ADSL: variants seen among roughly 807,000 people sequenced by gnomAD.
ADSL encodes the protein adenylosuccinate lyase.
ADSL carries 44 observed loss-of-function variants against 62.1 expected under a neutral mutation model. The observed-to-expected ratio is 0.71, with a 90% CI of 0.56 to 0.91. ADSL has a LOEUF of 0.91. Ranked by LOEUF, ADSL falls within the 40% of genes least tolerant of loss-of-function variation. ADSL has a pLI of 0.00. For missense variants in ADSL, 531 were observed against 627.4 expected (o/e 0.85, Z 1.64); for synonymous variants, 198 against 220.5 (o/e 0.90, Z 0.90).
At chr22:40,373,928 A>ATTTATT (rs1208107209), downstream of ADSL, among the ~76,000 whole-genome samples, 3 of 147,994 alleles carry the variant, frequency 2.0e-5, no homozygotes, top group East Asian at 6.1e-4. Flanking sequence ...AGGGTGGTTT[A>ATTTATT]TTTATTTTTA....
At chr22:40,381,245 T>C (rs897018778) in intron 2 of ADSL, among the ~76,000 whole-genome samples, 2 of 151,978 alleles carry the variant, frequency 1.3e-5, no homozygotes, top group Non-Finnish European at 2.9e-5. Context: ...CCTCCAGGGC[T>C]CAGGCAGTCC....
At chr22:40,372,187 C>T (rs542288539), downstream of ADSL, among the ~76,000 whole-genome samples, 209 of 121,920 alleles carry the variant, frequency 1.7e-3, 2 homozygotes, top group Non-Finnish European at 2.0e-3. Context: ...AGTGCAGTGG[C>T]GCGATCTCGG....
chr22:40,352,845 G>A (rs1336987200), intron 2 of ADSL, among the ~76,000 whole-genome samples: 1 of 152,112 alleles, frequency 6.6e-6, no homozygotes, highest in Admixed American at 6.6e-5. Flanking sequence ...TAAGTATAAA[G>A]GTTTTGTTCC....
chr22:40,363,736 CAAA>C (rs1231381642), intron 10 of ADSL, among the ~76,000 whole-genome samples: 1 of 79,640 alleles, frequency 1.3e-5, no homozygotes, highest in African/African-American at 4.9e-5. Flanking sequence ...AACTCCATCT[CAAA>C]AAAAAAAAAA....
intron 4 of ADSL, among the ~76,000 whole-genome samples, chr22:40,355,261 GC>G (rs2044510059): frequency 6.6e-6 from 1 of 152,116 alleles, no homozygotes; most frequent in Non-Finnish European, 1.5e-5. Flanking sequence ...TCCCGCCTCA[GC>G]CTTCCTAGTA....
chr22:40,370,330 G>A (rs890499906), downstream of ADSL, among the ~76,000 whole-genome samples: 1 of 149,860 alleles, frequency 6.7e-6, no homozygotes, highest in African/African-American at 2.5e-5. Context: ...ACTTCAGCCT[G>A]GGTGACAGAG....
At chr22:40,380,100 A>G (rs1299518392) in intron 2 of ADSL, among the ~76,000 whole-genome samples, 1 of 152,148 alleles carries the variant, frequency 6.6e-6, no homozygotes, top group Non-Finnish European at 1.5e-5. Flanking sequence ...CAAAGACTAA[A>G]TGTACCTACT....
At position 40,363,011 on chromosome 22, in the gene ADSL, C is replaced by G; in HGVS notation, c.1041C>G (p.Thr347=). 1 of 1,614,086 alleles carries G rather than the reference C, an allele frequency of 6.2e-7. No individual in the cohort carries two copies. The highest frequency in any genetic ancestry group is 8.5e-7 in the Non-Finnish European group (1 of 1,179,994). Residue 347 remains threonine, a synonymous_variant, in exon 10 of 13, where the codon ACC becomes ACG. Coordinates refer to ENST00000623063, the MANE Select transcript of ADSL (RefSeq NM_000026.4). ...TCTGTTTGGCCGAGGCATTTCTTAC[C>G]GCAGATACTATATTGAATACGCTGC... The part of the protein sequence containing the change: ...RRICLAEAFL[T]ADTILNTLQN...
rs56719087 is a variant in ADSL, at chr22:40,359,476, C to CT, written c.701+191dup. Among the ~76,000 whole-genome samples, 114 of 43,850 alleles carry CT rather than the reference C, an allele frequency of 2.6e-3. 2 individuals are homozygous for CT. Among genetic ancestry groups the CT allele is most frequent in the South Asian group, 9.2e-3 (10 of 1,086 alleles). 28.8% of individuals were successfully genotyped at this position (43,850 alleles called of 152,430 possible). A position where few individuals can be genotyped will look rare whatever the true frequency, so the allele number is the denominator to read the frequency against. On this transcript the variant is annotated intron_variant, in intron 6 of 12. Transcript: ENST00000623063. ...GTTTTACTTTCTTACTATCTGGATT[C>CT]TTTTTTTTTTTTTTTTTTTTTCGCC...
intron 2 of ADSL, among the ~76,000 whole-genome samples, chr22:40,384,544 G>C (rs1384538766): frequency 1.3e-5 from 2 of 152,182 alleles, no homozygotes; most frequent in Non-Finnish European, 2.9e-5. Flanking sequence ...ACTTTGGAAG[G>C]CCAAGGTGGG....
intron 2 of ADSL, chr22:40,376,427 T>G (rs2046614108): frequency 6.6e-6 from 1 of 152,062 alleles, no homozygotes; most frequent in African/African-American, 2.4e-5. Context: ...TTGCTGTGAT[T>G]ACAGGTGCAT....
chr22:40,360,557 C>T, intron 7 of ADSL, 65 bp downstream of exon 7: 1 of 1,145,706 alleles, frequency 8.7e-7, no homozygotes, highest in East Asian at 2.4e-5. Context: ...ACTGAATTAA[C>T]CTCAGACTTT....
At position 40,360,383 on chromosome 22, in the gene ADSL, C is replaced by T; in HGVS notation, c.702-19C>T. ...CTTTAAAATATTTTAACCTAAGTCT[C>T]TCTTGTACTTATTCCTAGAGCTTTC... is the stretch of plus-strand genomic sequence containing the variant. On this transcript the variant is annotated intron_variant, in intron 6 of 12. Coordinates refer to ENST00000623063, the MANE Select transcript of ADSL (RefSeq NM_000026.4). The T allele has an allele frequency of 3.7e-6, 6 of 1,600,202 alleles. No individual in the cohort carries two copies. The highest frequency in any genetic ancestry group is 4.3e-6 in the Non-Finnish European group (5 of 1,168,462).
At chr22:40,372,518 C>A (rs2045783693), downstream of ADSL, 1 of 152,090 alleles carries the variant, frequency 6.6e-6, no homozygotes, top group Non-Finnish European at 1.5e-5. Flanking sequence ...GTTAACATAA[C>A]CCATGACCAG....
Position 40,361,559 on chromosome 22 carries a change from ATGACCCT to A in ADSL, c.937_943del (p.Thr313SerfsTer38). On this transcript the variant is annotated frameshift_variant, in exon 9 of 13. Transcript: ENST00000623063. LOFTEE classifies it high-confidence loss of function. ...TTGCTGCAGTCTTGCCCGCCACCTGATGACCCTTGTCATGGACCCGCTACAGACAGCA... is the reference window on the plus strand; with the variant it reads ...TTGCTGCAGTCTTGCCCGCCACCTGATGTCATGGACCCGCTACAGACAGCA... 6.2e-7 allele frequency: 1 copy of A among 1,614,192 alleles called. No individual in the cohort carries two copies. The highest frequency in any genetic ancestry group is 8.5e-7 in the Non-Finnish European group (1 of 1,180,040).
chr22:40,364,472 C>G, intron 11 of ADSL, 107 bp downstream of exon 11: 1 of 957,818 alleles, frequency 1.0e-6, no homozygotes, highest in Non-Finnish European at 1.6e-6. Flanking sequence ...TACCTTCAGT[C>G]ACAGTAATGG....
chr22:40,384,653 G>C (rs1377788564), intron 2 of ADSL, among the ~76,000 whole-genome samples: 1 of 152,096 alleles, frequency 6.6e-6, no homozygotes, highest in African/African-American at 2.4e-5. Context: ...GGTGGCGGGC[G>C]CCTGTAGTCC....
chr22:40,378,432 TAAAA>T (rs1466921647), intron 2 of ADSL, among the ~76,000 whole-genome samples: 1 of 148,152 alleles, frequency 6.7e-6, no homozygotes. Context: ...CTGTGTATAT[TAAAA>T]ATAATAATAT....
In ADSL at chr22:40,358,988, G is replaced by C; in HGVS notation, c.607G>C (p.Gly203Arg). ...CTTCCGGGGAGTAAAGGGTACCACTGGCACTCAGGCCAGTTTCCTGCAGCT... is the reference window on the plus strand; with the variant it reads ...CTTCCGGGGAGTAAAGGGTACCACTCGCACTCAGGCCAGTTTCCTGCAGCT... Reference protein sequence around the residue: ...LRFRGVKGTTGTQASFLQLFE... With the variant: ...LRFRGVKGTTRTQASFLQLFE... Residue 203 changes from glycine (G) to arginine (R), a missense_variant, in exon 5 of 13, where the codon GGC becomes CGC. Gly to Arg is a moderately radical substitution (Grantham distance 125). Transcript: ENST00000623063. 1 of 1,614,192 alleles carries C rather than the reference G, an allele frequency of 6.2e-7. No homozygotes were observed. Among genetic ancestry groups the C allele is most frequent in the Non-Finnish European group, 8.5e-7 (1 of 1,180,040 alleles).
Sources: allele counts gnomAD v4.1 joint callset (sites outside exome capture counted in the v4.1 genomes callset), GRCh38; gene constraint gnomAD v4.1.1; transcripts MANE v1.5; gene names NCBI Gene and HGNC (gene_info 2026-07-23, HGNC 2026-07-21).